The following CNTNAP4 variants were observed in gnomAD, a reference collection of about 807,000 sequenced individuals.
CNTNAP4 encodes contactin associated protein family member 4.
Under a neutral mutation model 148.4 loss-of-function variants are expected in CNTNAP4, and 98 were observed. The ratio of observed to expected loss-of-function variants is 0.66; its 90% CI spans 0.56 to 0.78. The LOEUF is 0.78. Ranked by LOEUF, CNTNAP4 falls within the 30% of genes least tolerant of loss-of-function variation. The pLI, the probability that CNTNAP4 is intolerant of heterozygous loss-of-function variation, is 0.00. For missense variants in CNTNAP4, 1,935 were observed against 1,565.6 expected (o/e 1.24, Z -3.98); for synonymous variants, 730 against 565.1 (o/e 1.29, Z -4.14).
intron 2 of CNTNAP4, among the ~76,000 whole-genome samples, chr16:76,344,505 C>G (rs1369970137): frequency 2.0e-5 from 3 of 152,072 alleles, no homozygotes; most frequent in African/African-American, 7.2e-5. Flanking sequence ...AGTGAGATAT[C>G]TTACAGTACT....
chr16:76,367,244 T>C (rs921429314), intron 3 of CNTNAP4, among the ~76,000 whole-genome samples: 1 of 151,880 alleles, frequency 6.6e-6, no homozygotes, highest in Non-Finnish European at 1.5e-5. Context: ...GAAAAGTAGA[T>C]AACTTGTTTA....
At chr16:76,304,395 A>G (rs1960273556) in intron 1 of CNTNAP4, among the ~76,000 whole-genome samples, 1 of 152,090 alleles carries the variant, frequency 6.6e-6, no homozygotes, top group African/African-American at 2.4e-5. Context: ...GAAGTGCCAT[A>G]ATAGAAGCCT....
At chr16:76,349,486 C>T (rs757403724) in intron 2 of CNTNAP4, among the ~76,000 whole-genome samples, 1 of 152,102 alleles carries the variant, frequency 6.6e-6, no homozygotes, top group South Asian at 2.1e-4. Context: ...TTAAAAGGCT[C>T]TAAATGGTGG....
rs1160288763 is a variant in CNTNAP4 at position 76,467,415 on chromosome 16, T to C, written c.1547T>C (p.Met516Thr). 6.2e-7 allele frequency: 1 copy of C among 1,613,946 alleles called. No individual in the cohort carries two copies. Among genetic ancestry groups the C allele is most frequent in the Non-Finnish European group, 8.5e-7 (1 of 1,179,858 alleles). The part of the protein sequence containing the change: ...KSPLGGFQGC[M>T]RLISISGKVV... ...CCACTTGGTGGATTTCAGGGATGTATGAGGCTCATTTCTATCAGCGGCAAA... is the reference window on the plus strand; with the variant it reads ...CCACTTGGTGGATTTCAGGGATGTACGAGGCTCATTTCTATCAGCGGCAAA... The change falls in exon 10 of 24, where the codon ATG becomes ACG. Residue 516 changes from methionine (M) to threonine (T), a missense_variant. Transcript: ENST00000611870.
At chr16:76,313,659 A>C (rs74680215) in intron 1 of CNTNAP4, among the ~76,000 whole-genome samples, 31,272 of 152,150 alleles carry the variant, frequency 0.21, 3,462 homozygotes, top group East Asian at 0.33. Flanking sequence ...GAATAAGAAA[A>C]AGTAGACTTT....
intron 15 of CNTNAP4, among the ~76,000 whole-genome samples, chr16:76,506,463 T>C (rs2082838933): frequency 1.4e-5 from 1 of 72,424 alleles, no homozygotes; most frequent in African/African-American, 2.9e-5. Context: ...CCCCTTCCGC[T>C]TCTCTTCCGT....
intron 1 of CNTNAP4, among the ~76,000 whole-genome samples, chr16:76,296,062 A>G (rs1171104417): frequency 6.6e-6 from 1 of 152,212 alleles, no homozygotes; most frequent in Admixed American, 6.5e-5. Context: ...GATCGTATTT[A>G]AAAGCTTTTT....
chr16:76,325,770 C>G (rs1962907172), intron 2 of CNTNAP4, among the ~76,000 whole-genome samples: 2 of 151,766 alleles, frequency 1.3e-5, no homozygotes, highest in South Asian at 4.2e-4. Flanking sequence ...AAGGAAAAAA[C>G]CCAAAGTGCA....
chr16:76,311,815 C>T lies in CNTNAP4; in HGVS notation c.86-4598C>T, dbSNP rs141729010. ...TAGTGAATGCAGACGTCCATGGTCTCCTGTGCCCTTTTTTACCAAGAATCT... is the reference window on the plus strand; with the variant it reads ...TAGTGAATGCAGACGTCCATGGTCTTCTGTGCCCTTTTTTACCAAGAATCT... On this transcript the variant is annotated intron_variant, in intron 1 of 23. Coordinates refer to ENST00000611870, the MANE Select transcript of CNTNAP4 (RefSeq NM_033401.5). 5.0e-3 allele frequency among the ~76,000 whole-genome samples: 758 copies of T among 152,306 alleles called. 4 individuals are homozygous for T. Among genetic ancestry groups the T allele is most frequent in the African/African-American group, 0.017 (719 of 41,586 alleles).
At chr16:76,319,073 G>A (rs947177878) in intron 2 of CNTNAP4, among the ~76,000 whole-genome samples, 2 of 152,014 alleles carry the variant, frequency 1.3e-5, no homozygotes, top group Admixed American at 6.6e-5. Context: ...TAGGGCCCTA[G>A]TAATGAGGGA....
In CNTNAP4 at chr16:76,297,163, C is replaced by G. The variant is rs941240496; in HGVS notation, c.86-19250C>G. 2.0e-5 allele frequency among the ~76,000 whole-genome samples: 3 copies of G among 152,184 alleles called. No homozygotes were observed. The East Asian group carries it at 5.8e-4, about 29-fold the overall frequency. On this transcript the variant is annotated intron_variant, in intron 1 of 23. Transcript: ENST00000611870. ...AAGTACAACAAAACAAACAACTGCT[C>G]TTTAGAAAGCTATTTTAATTGATGG...
At chr16:76,346,087 G>A (rs1810067745) in intron 2 of CNTNAP4, among the ~76,000 whole-genome samples, 1 of 152,028 alleles carries the variant, frequency 6.6e-6, no homozygotes, top group Admixed American at 6.6e-5. Context: ...AATAAATAAA[G>A]CATGTAATTC....
chr16:76,303,253 C>T (rs1221808711), intron 1 of CNTNAP4, among the ~76,000 whole-genome samples: 2 of 152,094 alleles, frequency 1.3e-5, no homozygotes, highest in African/African-American at 2.4e-5. Flanking sequence ...GCTTTATGCA[C>T]TCCCCTATTA....
intron 4 of CNTNAP4, among the ~76,000 whole-genome samples, chr16:76,447,261 G>C (rs2080282368): frequency 6.6e-6 from 1 of 151,836 alleles, no homozygotes; most frequent in African/African-American, 2.4e-5. Context: ...AGTGAGCCAA[G>C]ATAGTGTGAG....
At chr16:76,370,765 T>C (rs1019083737) in intron 3 of CNTNAP4, among the ~76,000 whole-genome samples, 3 of 152,216 alleles carry the variant, frequency 2.0e-5, no homozygotes, top group African/African-American at 7.2e-5. Flanking sequence ...AAGTACTTAC[T>C]GAGTGATTCC....
At chr16:76,424,175 G>C (rs1026266641) in intron 3 of CNTNAP4, among the ~76,000 whole-genome samples, 4 of 152,128 alleles carry the variant, frequency 2.6e-5, no homozygotes, top group Non-Finnish European at 5.9e-5. Flanking sequence ...GTCATTTGCA[G>C]ATGTCTTATT....
intron 17 of CNTNAP4, among the ~76,000 whole-genome samples, chr16:76,527,299 A>G (rs1359109435): frequency 6.6e-6 from 1 of 152,106 alleles, no homozygotes; most frequent in Non-Finnish European, 1.5e-5. Flanking sequence ...ACCCTGAAAT[A>G]TGTTAGGGTT....
At chr16:76,457,662 T>C (rs1400404266) in intron 8 of CNTNAP4, among the ~76,000 whole-genome samples, 1 of 152,180 alleles carries the variant, frequency 6.6e-6, no homozygotes, top group Non-Finnish European at 1.5e-5. Context: ...TGAAATACTT[T>C]TAACTGATCT....
intron 4 of CNTNAP4, 67 bp from the exon 5 acceptor site, chr16:76,447,945 G>A (rs1333116161): frequency 3.5e-6 from 4 of 1,140,200 alleles, no homozygotes; most frequent in East Asian, 2.4e-5. Flanking sequence ...AATATATAAT[G>A]CATTTAAAAT....
Sources: allele counts gnomAD v4.1 joint callset (sites outside exome capture counted in the v4.1 genomes callset), GRCh38; gene constraint gnomAD v4.1.1; transcripts MANE v1.5; gene names NCBI Gene and HGNC (gene_info 2026-07-23, HGNC 2026-07-21).